The following RAB31 variants were observed in gnomAD, a reference collection of about 807,000 sequenced individuals.
The protein encoded by RAB31 is ras-related protein Rab-31.
In RAB31, 21 loss-of-function variants were observed where a neutral mutation model predicts 25.6. That is an observed-to-expected ratio of 0.82 (90% confidence interval 0.58 to 1.18). The LOEUF (loss-of-function observed/expected upper bound fraction) is 1.18. Ranked by LOEUF, RAB31 falls within the 50% of genes most tolerant of loss-of-function variation. The pLI is 0.00. For missense variants in RAB31, 196 were observed against 250.1 expected, an observed-to-expected ratio of 0.78 and a Z score of 1.46; for synonymous variants, 87 against 84.0, an observed-to-expected ratio of 1.04 and a Z score of -0.20.
chr18:9,736,743 C>T (rs899495488), intron 1 of RAB31, among the ~76,000 whole-genome samples: 1 of 129,122 alleles, frequency 7.7e-6, no homozygotes, highest in Non-Finnish European at 1.8e-5. Context: ...CCTACAGTTT[C>T]TAGAAAGCCT....
At chr18:9,844,277 C>T (rs1214986158) in intron 5 of RAB31, among the ~76,000 whole-genome samples, 1 of 152,096 alleles carries the variant, frequency 6.6e-6, no homozygotes, top group Non-Finnish European at 1.5e-5. Flanking sequence ...CCATTCGGGC[C>T]CGTGTCATTC....
chr18:9,839,720 G>A (rs904550910), intron 5 of RAB31, among the ~76,000 whole-genome samples: 1 of 152,138 alleles, frequency 6.6e-6, no homozygotes, highest in South Asian at 2.1e-4. Flanking sequence ...GTGTCCAGAC[G>A]TGGAAGAGAA....
chr18:9,726,605 T>C (rs2068097287), intron 1 of RAB31, among the ~76,000 whole-genome samples: 1 of 152,192 alleles, frequency 6.6e-6, no homozygotes, highest in African/African-American at 2.4e-5. Flanking sequence ...GTAGATTGTT[T>C]CCACAAGAGG....
At chr18:9,733,845 G>A (rs555181504) in intron 1 of RAB31, among the ~76,000 whole-genome samples, 2 of 152,016 alleles carry the variant, frequency 1.3e-5, no homozygotes, top group African/African-American at 4.8e-5. Flanking sequence ...GAAATTTGAT[G>A]CAGTAGCTCT....
intron 3 of RAB31, among the ~76,000 whole-genome samples, chr18:9,798,774 A>T (rs1427306416): frequency 3.1e-5 from 4 of 129,098 alleles, no homozygotes; most frequent in African/African-American, 1.1e-4. Flanking sequence ...GTATGCCACC[A>T]TGCGCAGCTA....
At chr18:9,750,612 T>C (rs2068230168) in intron 1 of RAB31, among the ~76,000 whole-genome samples, 1 of 152,166 alleles carries the variant, frequency 6.6e-6, no homozygotes, top group South Asian at 2.1e-4. Context: ...CCAGTTTGGA[T>C]AAGACAACAG....
intron 1 of RAB31, among the ~76,000 whole-genome samples, chr18:9,749,296 C>T (rs2068221924): frequency 6.6e-6 from 1 of 152,240 alleles, no homozygotes; most frequent in Non-Finnish European, 1.5e-5. Flanking sequence ...ATCTTCACCA[C>T]AGCCCTCTAA....
intron 6 of RAB31, among the ~76,000 whole-genome samples, chr18:9,857,640 T>G (rs963352526): frequency 7.7e-6 from 1 of 129,232 alleles, no homozygotes; most frequent in African/African-American, 3.0e-5. Context: ...TAGCCAATAA[T>G]ATAGATAGAT....
intron 5 of RAB31, among the ~76,000 whole-genome samples, chr18:9,828,844 G>A (rs1030140065): frequency 1.3e-5 from 2 of 152,234 alleles, no homozygotes; most frequent in East Asian, 3.9e-4. Context: ...AAAAATCATG[G>A]CAAGTGTTAA....
At chr18:9,786,908 A>T (rs983323325) in intron 2 of RAB31, 1 of 153,280 alleles carries the variant, frequency 6.5e-6, no homozygotes, top group African/African-American at 2.4e-5. Flanking sequence ...CCAGAAAAAT[A>T]GAAACTACTT....
chr18:9,847,843 G>A (rs948608067), intron 6 of RAB31, among the ~76,000 whole-genome samples: 1 of 152,140 alleles, frequency 6.6e-6, no homozygotes, highest in Non-Finnish European at 1.5e-5. Flanking sequence ...CAAAGTGCCA[G>A]GATTACAGGT....
chr18:9,711,423 A>G (rs1189628973), intron 1 of RAB31, among the ~76,000 whole-genome samples: 3 of 152,186 alleles, frequency 2.0e-5, no homozygotes. Flanking sequence ...CCCAGGCTGG[A>G]GTGCAATGGT....
chr18:9,827,810 G>T (rs745698656), intron 5 of RAB31, among the ~76,000 whole-genome samples: 10 of 152,212 alleles, frequency 6.6e-5, no homozygotes, highest in African/African-American at 9.6e-5. Context: ...GCAAAGTGCT[G>T]TGAGAATAGA....
intron 1 of RAB31, among the ~76,000 whole-genome samples, chr18:9,769,127 G>T (rs946253802): frequency 6.6e-6 from 1 of 152,170 alleles, no homozygotes; most frequent in Non-Finnish European, 1.5e-5. Context: ...GTCAGGTAGC[G>T]TGATGCCTCC....
intron 3 of RAB31, among the ~76,000 whole-genome samples, chr18:9,813,027 A>G (rs895887499): frequency 6.6e-6 from 1 of 152,206 alleles, no homozygotes; most frequent in African/African-American, 2.4e-5. Flanking sequence ...TTAAAAAAAT[A>G]TGCAGATTAA....
At chr18:9,812,994 G>GC (rs1424588086) in intron 3 of RAB31, among the ~76,000 whole-genome samples, 6 of 149,882 alleles carry the variant, frequency 4.0e-5, no homozygotes, top group South Asian at 2.1e-4. Flanking sequence ...ACTGCACTCG[G>GC]CCCCTCCAGG....
chr18:9,812,195 C>T (rs1323947365), intron 3 of RAB31, among the ~76,000 whole-genome samples: 2 of 152,290 alleles, frequency 1.3e-5, no homozygotes, highest in South Asian at 2.1e-4. Flanking sequence ...AATACCGCCA[C>T]GTTGGGAGTT....
chr18:9,719,646 T>C (rs1370677038), intron 1 of RAB31, among the ~76,000 whole-genome samples: 3 of 152,082 alleles, frequency 2.0e-5, no homozygotes, highest in Non-Finnish European at 2.9e-5. Flanking sequence ...TTAGGACCAA[T>C]GTCAACCTCA....
intron 1 of RAB31, among the ~76,000 whole-genome samples, chr18:9,711,521 T>C (rs1038370158): frequency 6.6e-6 from 1 of 152,246 alleles, no homozygotes; most frequent in East Asian, 1.9e-4. Flanking sequence ...CACAGGTGTG[T>C]ACCACCCAGC....
Sources: allele counts gnomAD v4.1 joint callset (sites outside exome capture counted in the v4.1 genomes callset), GRCh38; gene constraint gnomAD v4.1.1; transcripts MANE v1.5; gene names NCBI Gene and HGNC (gene_info 2026-07-23, HGNC 2026-07-21).